Variants in CNIH3 observed in about 807,000 individuals in gnomAD.
The protein encoded by CNIH3 is cornichon family AMPA receptor auxiliary protein 3, also known as protein cornichon homolog 3.
A neutral mutation model predicts 24.1 loss-of-function variants in CNIH3; 14 were observed. The ratio of observed to expected loss-of-function variants is 0.58; its 90% CI spans 0.38 to 0.91. The LOEUF is 0.91. Among genes scored for constraint, CNIH3 ranks in the 40% least tolerant of loss-of-function variants. The pLI is 0.00. For synonymous variants in CNIH3, 68 were observed against 73.8 expected (o/e 0.92, Z 0.40); for missense variants, 178 against 196.8 (o/e 0.90, Z 0.57).
intron 1 of CNIH3, among the ~76,000 whole-genome samples, chr1:224,671,351 T>C (rs1685856770): frequency 6.6e-6 from 1 of 152,194 alleles, no homozygotes; most frequent in Non-Finnish European, 1.5e-5. Context: ...CGGGCATAAG[T>C]AGACCATTCA....
downstream of CNIH3, among the ~76,000 whole-genome samples, chr1:224,592,924 G>A (rs1175479033): frequency 6.6e-5 from 10 of 152,180 alleles, no homozygotes; most frequent in Admixed American, 6.5e-4. Context: ...AAGGCTCATT[G>A]TGATCTGTTT....
intron 3 of CNIH3, among the ~76,000 whole-genome samples, chr1:224,608,017 G>A (rs1682506202): frequency 6.6e-6 from 1 of 152,202 alleles, no homozygotes; most frequent in South Asian, 2.1e-4. Flanking sequence ...TCCAAGTCAG[G>A]CGGCACCAAA....
downstream of CNIH3, among the ~76,000 whole-genome samples, chr1:224,540,304 A>G (rs1051728644): frequency 1.2e-4 from 19 of 152,306 alleles, no homozygotes; most frequent in African/African-American, 4.6e-4. Context: ...TCACCCAATA[A>G]TAAGGCTTTC....
chr1:224,697,684 A>G (rs16852083), intron 3 of CNIH3, among the ~76,000 whole-genome samples: 6,191 of 151,916 alleles, frequency 0.041, 188 homozygotes, highest in East Asian at 0.12. Flanking sequence ...CTGTTTTTCA[A>G]CCCCCAGAAT....
Position 224,734,720 on chromosome 1 carries a change from C to G in CNIH3, c.455+14C>G, listed in dbSNP as rs372120343. On this transcript the variant is annotated intron_variant, in intron 5 of 5. Coordinates refer to ENST00000272133, the MANE Select transcript of CNIH3 (RefSeq NM_152495.2). ...CTACCTTTACTGGTGAGTATCTGCC[C>G]CTCCTGGTGGTTTTGACTCCTGCAG... 8.7e-6 allele frequency: 14 copies of G among 1,613,028 alleles called. No homozygotes were observed. In the African/African-American group the frequency reaches 1.3e-4, roughly 15 times the overall value.
intron 1 of CNIH3, among the ~76,000 whole-genome samples, chr1:224,501,062 G>T (rs1416762134): frequency 1.3e-5 from 2 of 152,178 alleles, no homozygotes; most frequent in East Asian, 3.8e-4. Flanking sequence ...CACCTCTGCT[G>T]CTGTGCCTCT....
intron 1 of CNIH3, among the ~76,000 whole-genome samples, chr1:224,498,116 AC>A (rs1255689401): frequency 6.6e-6 from 1 of 152,092 alleles, no homozygotes; most frequent in East Asian, 1.9e-4. Context: ...TCCTGAAACC[AC>A]CCTGATTCAG....
In CNIH3 at chr1:224,672,451, T is replaced by C. The variant is rs10157533; in HGVS notation, c.82-8507T>C. The stretch of plus-strand genomic sequence containing the variant: ...TGGGTGGCTTAAAACAATAGGAATT[T>C]ATTCTCTCAAAGTTCTGAAGGCTAG... On this transcript the variant is annotated intron_variant, in intron 1 of 5. Coordinates refer to ENST00000272133, the MANE Select transcript of CNIH3 (RefSeq NM_152495.2). Among the ~76,000 whole-genome samples, 538 of 152,294 alleles carry C rather than the reference T, an allele frequency of 3.5e-3. 1 individual carries two copies. The highest frequency in any genetic ancestry group is 0.012 in the African/African-American group (498 of 41,556).
chr1:224,518,983 T>G (rs976563786), intron 1 of CNIH3, among the ~76,000 whole-genome samples: 14 of 152,312 alleles, frequency 9.2e-5, no homozygotes, highest in South Asian at 6.2e-4. Flanking sequence ...TTAGCCTAAG[T>G]TTCATCATCC....
chr1:224,470,796 T>C (rs926524722), intron 1 of CNIH3, among the ~76,000 whole-genome samples: 6 of 152,324 alleles, frequency 3.9e-5, no homozygotes, highest in Non-Finnish European at 1.5e-5. Flanking sequence ...TCCATTGTCT[T>C]CTTGCTTGCA....
At chr1:224,541,389 G>A (rs756241940), downstream of CNIH3, among the ~76,000 whole-genome samples, 4 of 152,102 alleles carry the variant, frequency 2.6e-5, no homozygotes, top group Non-Finnish European at 5.9e-5. Context: ...TACATGATTA[G>A]GGTCATTTTT....
intron 1 of CNIH3, among the ~76,000 whole-genome samples, chr1:224,518,249 C>T (rs1678476723): frequency 1.3e-5 from 2 of 152,208 alleles, no homozygotes; most frequent in Non-Finnish European, 2.9e-5. Context: ...ATTATTACTT[C>T]AATAAACATT....
intron 4 of CNIH3, among the ~76,000 whole-genome samples, chr1:224,733,372 A>G (rs530692112): frequency 6.6e-6 from 1 of 152,288 alleles, no homozygotes; most frequent in Non-Finnish European, 1.5e-5. Flanking sequence ...GTCACCTGGG[A>G]ATAAAACCAC....
At chr1:224,653,273 T>C (rs1218128300) in intron 1 of CNIH3, among the ~76,000 whole-genome samples, 2 of 151,988 alleles carry the variant, frequency 1.3e-5, no homozygotes, top group African/African-American at 4.8e-5. Context: ...AAATACAAAA[T>C]TAGCCTGGCG....
At chr1:224,600,482 G>A (rs564280391) in intron 3 of CNIH3, among the ~76,000 whole-genome samples, 3 of 152,230 alleles carry the variant, frequency 2.0e-5, no homozygotes, top group East Asian at 1.9e-4. Flanking sequence ...GTGAGCCATC[G>A]TGCCCGGCCA....
intron 2 of CNIH3, among the ~76,000 whole-genome samples, chr1:224,528,230 C>G (rs1224727769): frequency 6.6e-6 from 1 of 152,190 alleles, no homozygotes; most frequent in Non-Finnish European, 1.5e-5. Flanking sequence ...TGTCACTGCA[C>G]TCCAGCCTGG....
intron 1 of CNIH3, among the ~76,000 whole-genome samples, chr1:224,443,922 G>T (rs1267103114): frequency 1.3e-5 from 2 of 152,092 alleles, no homozygotes; most frequent in Non-Finnish European, 2.9e-5. Flanking sequence ...CCAGGTAGGG[G>T]CAGAAGACAA....
intron 1 of CNIH3, among the ~76,000 whole-genome samples, chr1:224,625,765 C>T (rs1572611220): frequency 6.6e-6 from 1 of 152,142 alleles, no homozygotes; most frequent in African/African-American, 2.4e-5. Context: ...AGAAGACGAG[C>T]TGTGACAGGA....
At chr1:224,482,034 G>C (rs184600224) in intron 1 of CNIH3, among the ~76,000 whole-genome samples, 1 of 152,174 alleles carries the variant, frequency 6.6e-6, no homozygotes, top group South Asian at 2.1e-4. Context: ...CAGGCCCATG[G>C]GGAGCAGTGC....
Sources: gnomAD v4.1 joint callset for allele counts (sites outside exome capture counted in the v4.1 genomes callset) on GRCh38, gnomAD v4.1.1 for gene constraint, MANE v1.5 for transcripts, NCBI Gene and HGNC (gene_info 2026-07-23, HGNC 2026-07-21) for gene names.